BLTP1: variants seen among roughly 807,000 people sequenced by gnomAD.
BLTP1 encodes the protein bridge-like lipid transfer protein family member 1, also known as fragile site-associated protein.
chr4:122,346,553 C>G, the BLTP1 span: 23 of 1,560,488 alleles, frequency 1.5e-5, no homozygotes, highest in South Asian at 2.4e-4. Flanking sequence ...ATAACCCTGT[C>G]TTATACCTAC....
chr4:122,232,054 AG>A, the BLTP1 span: 1 of 985,274 alleles, frequency 1.0e-6, no homozygotes, highest in South Asian at 4.7e-5. Flanking sequence ...TGGTAGAGCA[AG>A]GTGCGAATGG....
the BLTP1 span, chr4:122,154,875 A>G: frequency 1.3e-6 from 1 of 794,860 alleles, no homozygotes; most frequent in African/African-American, 1.9e-5. Context: ...CCATCTCAAA[A>G]AACAAAAATT....
the BLTP1 span, among the ~76,000 whole-genome samples, chr4:122,265,397 T>G: frequency 1.3e-5 from 2 of 152,320 alleles, no homozygotes; most frequent in African/African-American, 4.8e-5. Context: ...ATTTTATTGG[T>G]TTTTACTCCC....
the BLTP1 span, chr4:122,350,121 A>G: frequency 6.4e-7 from 1 of 1,562,772 alleles, no homozygotes; most frequent in Non-Finnish European, 8.6e-7. Flanking sequence ...CTTTCACTAA[A>G]TATGTTACAT....
the BLTP1 span, chr4:122,262,757 T>C: frequency 1.3e-6 from 2 of 1,566,680 alleles, no homozygotes; most frequent in Non-Finnish European, 1.7e-6. Flanking sequence ...AGTTACACTT[T>C]CTGTAGGGCA....
chr4:122,298,584 T>C, the BLTP1 span: 1 of 849,636 alleles, frequency 1.2e-6, no homozygotes, highest in Non-Finnish European at 1.4e-6. Flanking sequence ...TAAAAACATA[T>C]GACCCCAAAC....
chr4:122,214,383 G>T, the BLTP1 span: 10 of 955,448 alleles, frequency 1.0e-5, no homozygotes, highest in South Asian at 3.9e-4. Flanking sequence ...ACATTTTCTC[G>T]GTTCTATAAG....
the BLTP1 span, chr4:122,215,681 T>TTTTG: frequency 5.4e-6 from 3 of 556,962 alleles, no homozygotes; most frequent in Admixed American, 6.4e-5. Context: ...CATCTTTAAG[T>TTTTG]TTTGTTTGTT....
the BLTP1 span, chr4:122,257,197 A>C: frequency 6.5e-7 from 1 of 1,528,266 alleles, no homozygotes; most frequent in Non-Finnish European, 9.0e-7. Context: ...CAAAGCACTT[A>C]AATGGTAACT....
chr4:122,338,748 A>G, the BLTP1 span, among the ~76,000 whole-genome samples: 2 of 152,092 alleles, frequency 1.3e-5, no homozygotes, highest in Admixed American at 6.6e-5. Flanking sequence ...TGTATTTTCA[A>G]TCCATGTTTG....
the BLTP1 span, among the ~76,000 whole-genome samples, chr4:122,159,317 G>C: frequency 6.6e-6 from 1 of 151,926 alleles, no homozygotes; most frequent in African/African-American, 2.4e-5. Flanking sequence ...CAAAAAATTA[G>C]CCGGGCGTGG....
At chr4:122,254,375 C>T in the BLTP1 span, 14 of 1,493,694 alleles carry the variant, frequency 9.4e-6, no homozygotes, top group African/African-American at 1.4e-5. Context: ...ATAGTAGTAT[C>T]GCTTGATGTT....
At chr4:122,226,974 A>G in the BLTP1 span, 6 of 669,428 alleles carry the variant, frequency 9.0e-6, no homozygotes, top group Admixed American at 8.4e-5. Flanking sequence ...ATTATTTTTT[A>G]AATTCTTACC....
the BLTP1 span, among the ~76,000 whole-genome samples, chr4:122,245,934 T>C: frequency 6.6e-6 from 1 of 152,096 alleles, no homozygotes. Flanking sequence ...CTCTGTAGGC[T>C]GATTTCAATT....
At chr4:122,160,829 T>G in the BLTP1 span, among the ~76,000 whole-genome samples, 1 of 152,212 alleles carries the variant, frequency 6.6e-6, no homozygotes, top group African/African-American at 2.4e-5. Flanking sequence ...CTTGGTGTTT[T>G]AATTGTTAAG....
the BLTP1 span, among the ~76,000 whole-genome samples, chr4:122,253,396 A>G: frequency 6.6e-6 from 1 of 152,200 alleles, no homozygotes; most frequent in East Asian, 1.9e-4. Flanking sequence ...GGAAAGTCAG[A>G]GAAATTCAAG....
the BLTP1 span, chr4:122,350,526 C>A: frequency 7.7e-6 from 2 of 258,296 alleles, no homozygotes; most frequent in East Asian, 1.8e-4. Flanking sequence ...TCACTACCCT[C>A]ATGAAGCTCA....
At chr4:122,202,529 G>A in the BLTP1 span, 3 of 966,088 alleles carry the variant, frequency 3.1e-6, no homozygotes, top group Non-Finnish European at 3.7e-6. Context: ...TCAAGAATCT[G>A]TTACATTACT....
the BLTP1 span, among the ~76,000 whole-genome samples, chr4:122,332,339 C>T: frequency 7.2e-5 from 11 of 151,912 alleles, no homozygotes. Flanking sequence ...AAAAGGATGA[C>T]TATTAGTTTA....
Sources: allele counts gnomAD v4.1 joint callset (sites outside exome capture counted in the v4.1 genomes callset), GRCh38; gene constraint gnomAD v4.1.1; transcripts MANE v1.5; gene names NCBI Gene and HGNC (gene_info 2026-07-23, HGNC 2026-07-21).